The following DAB1 variants were observed in gnomAD, a reference collection of about 807,000 sequenced individuals.
DAB1 encodes the protein disabled homolog 1.
A neutral mutation model predicts 64.6 loss-of-function variants in DAB1; 15 were observed. That is an observed-to-expected ratio of 0.23 (90% confidence interval 0.16 to 0.36). The LOEUF is 0.36. Among genes scored for constraint, DAB1 ranks in the 10% least tolerant of loss-of-function variants. The pLI is 1.00. For missense variants in DAB1, 596 were observed against 706.7 expected, an observed-to-expected ratio of 0.84 and a Z score of 1.78; for synonymous variants, 235 against 251.9, an observed-to-expected ratio of 0.93 and a Z score of 0.64.
intron 3 of DAB1, among the ~76,000 whole-genome samples, chr1:58,403,545 A>G (rs1408853941): frequency 6.6e-6 from 1 of 152,194 alleles, no homozygotes; most frequent in East Asian, 1.9e-4. Context: ...CAGAGCTTTG[A>G]TATCAGAAAT....
At chr1:57,747,664 C>T (rs1466170288) in intron 6 of DAB1, among the ~76,000 whole-genome samples, 1 of 151,672 alleles carries the variant, frequency 6.6e-6, no homozygotes, top group Non-Finnish European at 1.5e-5. Context: ...AAAAAATTAG[C>T]CGGGATTGGT....
chr1:57,141,407 T>C (rs1310845818), intron 3 of DAB1, among the ~76,000 whole-genome samples: 1 of 152,124 alleles, frequency 6.6e-6, no homozygotes, highest in Non-Finnish European at 1.5e-5. Context: ...TTTGCATCTC[T>C]GGTAGTAGCT....
intron 1 of DAB1, among the ~76,000 whole-genome samples, chr1:57,380,376 G>A: frequency 6.6e-6 from 1 of 152,098 alleles, no homozygotes; most frequent in East Asian, 1.9e-4. Context: ...AATCTCTTCT[G>A]TTACCACACT....
At chr1:58,111,780 TTC>T (rs937139065) in intron 5 of DAB1, among the ~76,000 whole-genome samples, 6 of 151,448 alleles carry the variant, frequency 4.0e-5, no homozygotes, top group Non-Finnish European at 8.8e-5. Context: ...ATCAATATCA[TTC>T]TCTCTCTCTC....
Position 58,485,228 on chromosome 1 carries a change from TAA to T in DAB1, n.257+20830_257+20831del, listed in dbSNP as rs71043289. Among the ~76,000 whole-genome samples the T allele has an allele frequency of 1.2e-3, 52 of 42,052 alleles. No homozygotes were observed. The South Asian group carries it at 0.047, about 38-fold the overall frequency. The allele number at this position is 42,052 out of a possible 152,430, so 27.6% of individuals were successfully genotyped here. Reference sequence around the variant, plus strand: ...GTCTAAAAATAAAAGAGTCTACTACTAAAAAAAAAAAAAAAAAAAAAAAAAAA... The same window carrying T: ...GTCTAAAAATAAAAGAGTCTACTACTAAAAAAAAAAAAAAAAAAAAAAAAA... On this transcript the variant is annotated intron_variant and non_coding_transcript_variant, in intron 3 of 20. Transcript: ENST00000485760.
chr1:58,440,573 T>C (rs1305802853), intron 3 of DAB1, among the ~76,000 whole-genome samples: 1 of 152,210 alleles, frequency 6.6e-6, no homozygotes, highest in Non-Finnish European at 1.5e-5. Flanking sequence ...CTCTCTGAGC[T>C]TGGATGGTCT....
chr1:57,053,247 G>A (rs937350334), intron 9 of DAB1, among the ~76,000 whole-genome samples: 1 of 152,048 alleles, frequency 6.6e-6, no homozygotes, highest in South Asian at 2.1e-4. Context: ...TCATCAAAAC[G>A]AAAATTTTTT....
chr1:58,368,808 C>G (rs1397529285), intron 3 of DAB1, among the ~76,000 whole-genome samples: 6 of 152,120 alleles, frequency 3.9e-5, no homozygotes, highest in African/African-American at 1.4e-4. Flanking sequence ...ATGGGACAAG[C>G]AGAAATATCA....
chr1:57,954,721 T>G (rs1645352230), intron 5 of DAB1, among the ~76,000 whole-genome samples: 1 of 152,224 alleles, frequency 6.6e-6, no homozygotes, highest in African/African-American at 2.4e-5. Context: ...TCAGGATTAG[T>G]CTGACTCCAA....
At chr1:57,950,113 A>C (rs544643843) in intron 5 of DAB1, among the ~76,000 whole-genome samples, 9 of 152,310 alleles carry the variant, frequency 5.9e-5, no homozygotes, top group African/African-American at 2.2e-4. Flanking sequence ...AGGAAAGCAA[A>C]TTAAAGCATC....
At chr1:57,864,682 A>ATTT (rs764437134) in intron 1 of DAB1, 27,416 of 113,430 alleles carry the variant, frequency 0.24, 2,931 homozygotes, top group Middle Eastern at 0.31. Context: ...TTATTTATTT[A>ATTT]ATTATTTATT....
chr1:58,370,089 T>C (rs1356754186), intron 3 of DAB1, among the ~76,000 whole-genome samples: 1 of 152,228 alleles, frequency 6.6e-6, no homozygotes, highest in Non-Finnish European at 1.5e-5. Flanking sequence ...TATTGTCATA[T>C]GTATTCAATG....
At chr1:58,412,891 C>T (rs1182595823) in intron 3 of DAB1, among the ~76,000 whole-genome samples, 1 of 152,124 alleles carries the variant, frequency 6.6e-6, no homozygotes, top group Non-Finnish European at 1.5e-5. Flanking sequence ...TTGTTAAAGT[C>T]ATTTTAGGCT....
At chr1:57,686,985 G>A (rs1646704828) in intron 6 of DAB1, among the ~76,000 whole-genome samples, 1 of 152,160 alleles carries the variant, frequency 6.6e-6, no homozygotes, top group African/African-American at 2.4e-5. Context: ...GAACTGGGAT[G>A]AGACAGTGAT....
At chr1:58,148,609 T>C (rs766537810) in intron 5 of DAB1, among the ~76,000 whole-genome samples, 31 of 152,180 alleles carry the variant, frequency 2.0e-4, no homozygotes, top group Non-Finnish European at 4.6e-4. Flanking sequence ...GGACTCACAG[T>C]TCCACATGGT....
intron 7 of DAB1, among the ~76,000 whole-genome samples, chr1:57,560,209 A>G (rs768123379): frequency 1.4e-4 from 22 of 152,342 alleles, no homozygotes; most frequent in Non-Finnish European, 2.2e-4. Flanking sequence ...CCTCAGTGGT[A>G]TATCAGTTCT....
intron 2 of DAB1, among the ~76,000 whole-genome samples, chr1:57,226,995 T>C (rs913409913): frequency 6.7e-6 from 1 of 148,264 alleles, no homozygotes; most frequent in Non-Finnish European, 1.5e-5. Context: ...CTGGGCAACA[T>C]AGTGAGACAC....
At chr1:57,004,399 C>T (rs1645987390) in intron 14 of DAB1, among the ~76,000 whole-genome samples, 1 of 152,212 alleles carries the variant, frequency 6.6e-6, no homozygotes, top group Non-Finnish European at 1.5e-5. Context: ...AAAAGCAATA[C>T]ATCTTACTAG....
At chr1:58,352,444 A>G (rs1644066824) in intron 3 of DAB1, among the ~76,000 whole-genome samples, 1 of 152,224 alleles carries the variant, frequency 6.6e-6, no homozygotes, top group South Asian at 2.1e-4. Context: ...CTCTAAGTAC[A>G]TAGCCATCCG....
Sources: allele counts gnomAD v4.1 joint callset (sites outside exome capture counted in the v4.1 genomes callset), GRCh38; gene constraint gnomAD v4.1.1; transcripts MANE v1.5; gene names NCBI Gene and HGNC (gene_info 2026-07-23, HGNC 2026-07-21).